Variants in MFSD12 observed in about 807,000 individuals in gnomAD.
The protein encoded by MFSD12 is major facilitator superfamily domain containing 12, also known as major facilitator superfamily domain-containing protein 12.
MFSD12 carries 67 observed loss-of-function variants against 51.2 expected under a neutral mutation model. That is an observed-to-expected ratio of 1.31 (90% CI 1.08 to 1.60). MFSD12 has a LOEUF of 1.60. Ranked by LOEUF, MFSD12 falls within the 40% of genes most tolerant of loss-of-function variation. The pLI is 0.00. For synonymous variants in MFSD12, 441 were observed against 316.7 expected, an observed-to-expected ratio of 1.39 and a Z score of -4.17; for missense variants, 921 against 673.0, an observed-to-expected ratio of 1.37 and a Z score of -4.08.
At chr19:3,550,946 C>T in intron 2 of MFSD12, 38 bp downstream of exon 2, 1 of 1,578,126 alleles carries the variant, frequency 6.3e-7, no homozygotes, top group Middle Eastern at 2.2e-4. Flanking sequence ...CGAGCCGGGG[C>T]CCACCCTGCC....
At chr19:3,549,591 C>T (rs575066654) in intron 2 of MFSD12, among the ~76,000 whole-genome samples, 166 of 151,716 alleles carry the variant, frequency 1.1e-3, no homozygotes, top group African/African-American at 3.9e-3. Context: ...GGGGTGGTGG[C>T]GGGTGCCTGT....
At chr19:3,556,190 G>C (rs911619418) in intron 1 of MFSD12, among the ~76,000 whole-genome samples, 4 of 152,226 alleles carry the variant, frequency 2.6e-5, no homozygotes, top group Admixed American at 2.0e-4. Context: ...AGAACACACA[G>C]AGAGAGAGGA....
downstream of MFSD12, among the ~76,000 whole-genome samples, chr19:3,540,942 G>A (rs867425683): frequency 2.0e-5 from 3 of 151,564 alleles, no homozygotes; most frequent in East Asian, 2.0e-4. Context: ...AGGCCGAGGC[G>A]GGTGGATCAC....
At chr19:3,541,783 C>A, downstream of MFSD12, 1 of 985,020 alleles carries the variant, frequency 1.0e-6, no homozygotes, top group Non-Finnish European at 1.2e-6. Flanking sequence ...GGGTGAGGGG[C>A]TCATTTCTCA....
chr19:3,548,455 C>T (rs1374370742), intron 2 of MFSD12, among the ~76,000 whole-genome samples, 188 bp from the exon 3 acceptor site: 7 of 152,196 alleles, frequency 4.6e-5, no homozygotes, highest in Middle Eastern at 3.2e-3. Context: ...CATTACCTAA[C>T]GCGGGAAAGC....
At chr19:3,546,791 A>C (rs1251313640) in intron 6 of MFSD12, among the ~76,000 whole-genome samples, 2 of 152,202 alleles carry the variant, frequency 1.3e-5, no homozygotes, top group African/African-American at 2.4e-5. Flanking sequence ...TAAACTCGAG[A>C]CACAGAGAAG....
At position 3,544,536 on chromosome 19, in the gene MFSD12, C is replaced by A. The variant is rs2030775721; in HGVS notation, c.*174G>T. ...AAACCCAGGGGGTCCTTGCAAGTCC[C>A]TGGCGGGCATCCCTGCTGCCCTCAC... On this transcript the variant is annotated 3_prime_UTR_variant, in exon 10 of 10. Transcript: ENST00000355415. The A allele has an allele frequency of 2.1e-6, 3 of 1,411,452 alleles. No individual in the cohort carries two copies. The highest frequency in any genetic ancestry group is 1.8e-6 in the Non-Finnish European group (2 of 1,085,398). The allele number at this position is 1,411,452 out of a possible 1,614,324, so 87.4% of individuals were successfully genotyped here. A position where few individuals can be genotyped will look rare whatever the true frequency, so the allele number is the denominator to read the frequency against.
downstream of MFSD12, chr19:3,543,589 T>C (rs2030641435): frequency 1.3e-6 from 2 of 1,541,536 alleles, no homozygotes; most frequent in African/African-American, 2.8e-5. Context: ...CCGCCTGGCA[T>C]GACCCCATCG....
chr19:3,547,657 C>A (rs1052888811), intron 4 of MFSD12, 110 bp from the exon 5 acceptor site: 1 of 1,207,466 alleles, frequency 8.3e-7, no homozygotes, highest in Non-Finnish European at 1.2e-6. Flanking sequence ...GCATTTGATC[C>A]ATTGGTAGTG....
At chr19:3,542,224 AT>A (rs2030478162), downstream of MFSD12, 7 of 985,284 alleles carry the variant, frequency 7.1e-6, no homozygotes, top group Admixed American at 4.3e-4. Context: ...AGCCGAGTCT[AT>A]GTGGGGTCCC....
At chr19:3,546,563 T>C (rs2031074087) in intron 6 of MFSD12, 138 bp from the exon 7 acceptor site, 2 of 1,008,826 alleles carry the variant, frequency 2.0e-6, no homozygotes, top group Non-Finnish European at 2.9e-6. Context: ...GCTCTGGCCC[T>C]GGACACAACA....
At chr19:3,548,824 C>A (rs978946317) in intron 2 of MFSD12, among the ~76,000 whole-genome samples, 3 of 152,228 alleles carry the variant, frequency 2.0e-5, no homozygotes, top group Admixed American at 2.0e-4. Flanking sequence ...TGGGGTCTGG[C>A]CCCGGTCAGA....
At chr19:3,552,825 G>C (rs951181963) in intron 1 of MFSD12, among the ~76,000 whole-genome samples, 5 of 152,116 alleles carry the variant, frequency 3.3e-5, no homozygotes, top group Admixed American at 2.0e-4. Flanking sequence ...TAGTGGCCCT[G>C]ACACAGCCTG....
At chr19:3,554,661 A>G (rs902364193) in intron 1 of MFSD12, among the ~76,000 whole-genome samples, 1 of 152,036 alleles carries the variant, frequency 6.6e-6, no homozygotes, top group Non-Finnish European at 1.5e-5. Context: ...CAAAACCTCA[A>G]AGTTAATGTC....
At chr19:3,547,814 G>A in intron 4 of MFSD12, 34 bp downstream of exon 4, 2 of 1,462,698 alleles carry the variant, frequency 1.4e-6, no homozygotes, top group Admixed American at 2.9e-5. Flanking sequence ...TGGGAGAGAA[G>A]GCCCACGCCA....
intron 8 of MFSD12, among the ~76,000 whole-genome samples, chr19:3,545,315 GCTCT>G (rs766622135): frequency 3.3e-5 from 5 of 152,196 alleles, no homozygotes; most frequent in African/African-American, 9.7e-5. Flanking sequence ...TCTGCCCACA[GCTCT>G]CTGTGAGTCC....
chr19:3,540,618 G>A (rs1324696954), downstream of MFSD12, among the ~76,000 whole-genome samples: 2 of 151,420 alleles, frequency 1.3e-5, no homozygotes, highest in African/African-American at 4.8e-5. Flanking sequence ...AGTGGCTCAC[G>A]CCTGTAATTC....
downstream of MFSD12, among the ~76,000 whole-genome samples, chr19:3,540,642 G>A (rs1487529890): frequency 6.6e-6 from 1 of 151,616 alleles, no homozygotes; most frequent in Admixed American, 6.6e-5. Context: ...CACTTTCGGA[G>A]GCCGAGGCAG....
chr19:3,556,962 G>A (rs562629884), intron 1 of MFSD12, 144 bp downstream of exon 1: 1 of 799,630 alleles, frequency 1.3e-6, no homozygotes, highest in Non-Finnish European at 1.8e-6. Flanking sequence ...GTGCAGGGAA[G>A]CTCGGGCCAC....
Sources: gnomAD v4.1 joint callset for allele counts (sites outside exome capture counted in the v4.1 genomes callset) on GRCh38, gnomAD v4.1.1 for gene constraint, MANE v1.5 for transcripts, NCBI Gene and HGNC (gene_info 2026-07-23, HGNC 2026-07-21) for gene names.